Variants in ARID1B observed in about 807,000 individuals in gnomAD.
ARID1B encodes AT-rich interaction domain 1B, also known as AT-rich interactive domain-containing protein 1B.
A neutral mutation model predicts 212.3 loss-of-function variants in ARID1B; 30 were observed. That is an observed-to-expected ratio of 0.14 (90% CI 0.11 to 0.19). ARID1B has a LOEUF of 0.19. ARID1B is among the 10% of genes least tolerant of loss of function. The pLI is 1.00. For missense variants in ARID1B, 2,891 were observed against 3,204.0 expected (o/e 0.90, Z 2.36); for synonymous variants, 1,402 against 1,301.7 (o/e 1.08, Z -1.66).
intron 2 of ARID1B, among the ~76,000 whole-genome samples, chr6:156,898,988 A>G (rs1262281920): frequency 6.6e-6 from 1 of 152,176 alleles, no homozygotes; most frequent in Non-Finnish European, 1.5e-5. Flanking sequence ...GCAAACAAAG[A>G]GTTAGACTTT....
chr6:157,158,059 C>A (rs1790686414), intron 8 of ARID1B, among the ~76,000 whole-genome samples: 1 of 152,182 alleles, frequency 6.6e-6, no homozygotes, highest in Non-Finnish European at 1.5e-5. Flanking sequence ...AATGCACAGA[C>A]AGAAACCTGT....
chr6:156,792,818 C>T (rs1352031111), intron 1 of ARID1B, among the ~76,000 whole-genome samples: 1 of 152,182 alleles, frequency 6.6e-6, no homozygotes, highest in Non-Finnish European at 1.5e-5. Flanking sequence ...TCATAGATAC[C>T]TGGCTCTTTC....
chr6:156,789,140 G>A (rs536747627), intron 1 of ARID1B, among the ~76,000 whole-genome samples: 2 of 152,278 alleles, frequency 1.3e-5, no homozygotes, highest in African/African-American at 2.4e-5. Context: ...AAGGAAATCC[G>A]TTTGGTCAGT....
chr6:156,950,749 C>T (rs1395621225), intron 4 of ARID1B, among the ~76,000 whole-genome samples: 1 of 152,196 alleles, frequency 6.6e-6, no homozygotes, highest in Non-Finnish European at 1.5e-5. Context: ...ATGACTATGA[C>T]TTTACCGTTG....
chr6:157,061,421 A>G (rs920419762), intron 4 of ARID1B, among the ~76,000 whole-genome samples: 68 of 152,310 alleles, frequency 4.5e-4, no homozygotes, highest in African/African-American at 1.6e-3. Flanking sequence ...ATGGCAGGTG[A>G]TGTCCCATTT....
chr6:157,180,431 G>A (rs936514660), intron 11 of ARID1B, among the ~76,000 whole-genome samples: 5 of 150,692 alleles, frequency 3.3e-5, no homozygotes, highest in African/African-American at 7.3e-5. Context: ...ACTGGTTCCC[G>A]TGACTGGAAA....
At chr6:157,177,632 G>A (rs1308965211) in intron 11 of ARID1B, among the ~76,000 whole-genome samples, 1 of 152,212 alleles carries the variant, frequency 6.6e-6, no homozygotes, top group Non-Finnish European at 1.5e-5. Context: ...CTGCTGAAAT[G>A]TAAATCTGCC....
intron 4 of ARID1B, among the ~76,000 whole-genome samples, chr6:157,000,696 C>CTTTT (rs10536002): frequency 4.0e-5 from 4 of 99,228 alleles, no homozygotes; most frequent in Non-Finnish European, 5.8e-5. Flanking sequence ...TCTAATTATT[C>CTTTT]TTTTTTTTTT....
Position 156,778,755 on chromosome 6 carries a change from G to A in ARID1B, c.1075G>A (p.Ala359Thr), listed in dbSNP as rs767529376. The change falls in exon 1 of 20, where the codon GCC (alanine) becomes ACC (threonine). Residue 359 changes from alanine to threonine, a missense_variant. By Grantham distance (58) the Ala-to-Thr change is moderately conservative (BLOSUM62 0). Transcript: ENST00000636930. ...CTCCGCCTCCGCCGCCGCCGCCGGG[G>A]CCCCCGGCAGCATGGACCCCCTGCA... ...MHSASAAAAG[A>T]PGSMDPLQNS... The A allele has an allele frequency of 6.6e-7, 1 of 1,522,970 alleles. No homozygotes were observed. Among genetic ancestry groups the A allele is most frequent in the South Asian group, 1.2e-5 (1 of 81,770 alleles). 94.3% of individuals were successfully genotyped at this position (1,522,970 alleles called of 1,614,324 possible). A position where few individuals can be genotyped will look rare whatever the true frequency, so the allele number is the denominator to read the frequency against.
At chr6:156,827,971 G>A (rs1782869611) in intron 1 of ARID1B, among the ~76,000 whole-genome samples, 1 of 151,496 alleles carries the variant, frequency 6.6e-6, no homozygotes, top group South Asian at 2.1e-4. Flanking sequence ...ATGTTGGTCA[G>A]GCTGGTCTCA....
rs541564441 is a variant in ARID1B at position 157,206,216 on chromosome 6, T to C, written c.5444T>C (p.Ile1815Thr). The change falls in exon 20 of 20, where the codon ATT (isoleucine) becomes ACT (threonine). Residue 1815 changes from isoleucine to threonine, a missense_variant. By Grantham distance (89) the Ile-to-Thr change is moderately conservative (BLOSUM62 -1). Transcript: ENST00000636930. This position sits in a 1 kb window ranked among gnomAD's most constrained non-coding sequence, Gnocchi z 6.8. Reference sequence around the variant, plus strand: ...GTCGAGTACTTTAGAAAATGCCTGATTGACATTTTTGGAATTCTTATGGAA... The same window carrying C: ...GTCGAGTACTTTAGAAAATGCCTGACTGACATTTTTGGAATTCTTATGGAA... ...LLVEYFRKCL[I>T]DIFGILMEYE... 21 of 1,614,210 alleles carry C rather than the reference T, an allele frequency of 1.3e-5. No homozygotes were observed. Among genetic ancestry groups the C allele is most frequent in the East Asian group, 2.2e-5 (1 of 44,890 alleles).
chr6:156,820,080 G>A (rs1234146146), intron 1 of ARID1B, among the ~76,000 whole-genome samples: 5 of 152,108 alleles, frequency 3.3e-5, no homozygotes, highest in South Asian at 2.1e-4. Context: ...AGAGAGAGGC[G>A]GAGAGGAGCC....
At chr6:156,789,787 T>C (rs184601412) in intron 1 of ARID1B, among the ~76,000 whole-genome samples, 2 of 152,352 alleles carry the variant, frequency 1.3e-5, no homozygotes, top group African/African-American at 4.8e-5. Context: ...ACTTCGCTTC[T>C]CTGTGCTGTG....
At chr6:157,132,692 A>T (rs1788631527) in intron 6 of ARID1B, among the ~76,000 whole-genome samples, 1 of 152,190 alleles carries the variant, frequency 6.6e-6, no homozygotes, top group South Asian at 2.1e-4. Flanking sequence ...TTTGCAGTAC[A>T]GCAGTCGGTC....
chr6:156,960,183 C>T (rs1233497664), intron 4 of ARID1B, among the ~76,000 whole-genome samples: 1 of 152,098 alleles, frequency 6.6e-6, no homozygotes, highest in African/African-American at 2.4e-5. Flanking sequence ...CCCACCTCGG[C>T]CTCCCACAGT....
intron 3 of ARID1B, among the ~76,000 whole-genome samples, chr6:156,910,366 T>C (rs76755905): frequency 0.022 from 3,341 of 152,298 alleles, 140 homozygotes; most frequent in African/African-American, 0.076. Context: ...CTTTTCTGTT[T>C]AGTGGGGTTG....
At chr6:156,941,468 G>T (rs1792670860) in intron 4 of ARID1B, 1 of 152,160 alleles carries the variant, frequency 6.6e-6, no homozygotes, top group Admixed American at 6.5e-5. Flanking sequence ...GTTCTATCTG[G>T]AGATATCAGT....
In ARID1B at chr6:156,881,173, C is replaced by T. The variant is rs1047880949; in HGVS notation, c.1987-20203C>T. On this transcript the variant is annotated intron_variant, in intron 2 of 19. Coordinates refer to ENST00000636930, the MANE Select transcript of ARID1B (RefSeq NM_001374828.1). ...GTGGGGCCTGCATGGCTGGGAACAG[C>T]CTCTCTGGGAGCCACTCTTGGAACC... is the stretch of plus-strand genomic sequence containing the variant. Among the ~76,000 whole-genome samples, 4 of 152,288 alleles carry T rather than the reference C, an allele frequency of 2.6e-5. No homozygotes were observed. In the South Asian group the frequency reaches 8.3e-4, roughly 32 times the overall value.
chr6:156,902,704 T>C (rs1789044682), intron 3 of ARID1B, among the ~76,000 whole-genome samples: 1 of 123,406 alleles, frequency 8.1e-6, no homozygotes, highest in Non-Finnish European at 1.6e-5. Flanking sequence ...ATCACTGCAC[T>C]CCAGCCTTGC....
Sources: gnomAD v4.1 joint callset for allele counts (sites outside exome capture counted in the v4.1 genomes callset) on GRCh38, gnomAD v4.1.1 for gene constraint, Gnocchi (gnomAD v3.1) non-coding constraint, MANE v1.5 for transcripts, NCBI Gene and HGNC (gene_info 2026-07-23, HGNC 2026-07-21) for gene names.